Variants in RIMKLB observed in about 807,000 individuals in gnomAD.
RIMKLB encodes the protein ribosomal modification protein rimK like family member B, also known as beta-citrylglutamate synthase B.
Under a neutral mutation model 32.0 loss-of-function variants are expected in RIMKLB, and 7 were observed. That is an observed-to-expected ratio of 0.22 (90% CI 0.12 to 0.41). The LOEUF is 0.41. Ranked by LOEUF, RIMKLB falls within the 10% of genes least tolerant of loss-of-function variation. RIMKLB has a pLI of 1.00. For synonymous variants in RIMKLB, 172 were observed against 185.1 expected (o/e 0.93, Z 0.57); for missense variants, 289 against 498.7 (o/e 0.58, Z 4.00).
chr12:8,732,756 T>TATATACACAC (rs1213499853), intron 2 of RIMKLB, among the ~76,000 whole-genome samples: 8 of 150,048 alleles, frequency 5.3e-5, no homozygotes, highest in African/African-American at 2.0e-4. Flanking sequence ...TATATATATA[T>TATATACACAC]ACACACACAC....
At chr12:8,692,565 A>C (rs1942761960), upstream of RIMKLB, among the ~76,000 whole-genome samples, 1 of 152,224 alleles carries the variant, frequency 6.6e-6, no homozygotes. Context: ...GTAGGGGGAA[A>C]ACCTGTATCA....
intron 1 of RIMKLB, among the ~76,000 whole-genome samples, chr12:8,708,385 CT>C (rs1565558087): frequency 6.6e-6 from 1 of 152,098 alleles, no homozygotes; most frequent in South Asian, 2.1e-4. Context: ...TTCATTTTAA[CT>C]TTTTTTCTTT....
chr12:8,682,339 A>G (rs1942431494), intron 1 of RIMKLB, among the ~76,000 whole-genome samples: 3 of 152,174 alleles, frequency 2.0e-5, no homozygotes, highest in Admixed American at 1.3e-4. Flanking sequence ...TAGCAAGAAT[A>G]TTGAACTATG....
exon 1 of RIMKLB, chr12:8,681,718 TAGG>T (rs1395600326): frequency 1.3e-5 from 2 of 152,330 alleles, no homozygotes; most frequent in African/African-American, 4.8e-5. Context: ...TTCCACCTGC[TAGG>T]AGGGTGGTGT....
intron 2 of RIMKLB, among the ~76,000 whole-genome samples, chr12:8,740,813 C>G (rs1487264456): frequency 6.6e-6 from 1 of 152,160 alleles, no homozygotes; most frequent in Non-Finnish European, 1.5e-5. Flanking sequence ...TAGCTCATGC[C>G]CATAATCCCA....
chr12:8,714,202 AAT>A (rs1029416073), intron 2 of RIMKLB, 161 bp downstream of exon 2: 15 of 572,154 alleles, frequency 2.6e-5, no homozygotes, highest in Admixed American at 2.3e-4. Context: ...TATAAACACT[AAT>A]ATTTATTAAC....
chr12:8,730,622 C>T (rs1311364751), intron 2 of RIMKLB, among the ~76,000 whole-genome samples: 2 of 152,146 alleles, frequency 1.3e-5, no homozygotes, highest in African/African-American at 4.8e-5. Context: ...TCCAATTTTA[C>T]GTAGGGAATT....
chr12:8,741,838 G>A (rs2137519830), intron 2 of RIMKLB, among the ~76,000 whole-genome samples: 1 of 151,820 alleles, frequency 6.6e-6, no homozygotes, highest in South Asian at 2.1e-4. Context: ...CCAGACCTCA[G>A]CATCATGCAA....
chr12:8,740,973 C>G (rs775676872), intron 2 of RIMKLB, among the ~76,000 whole-genome samples: 2 of 152,062 alleles, frequency 1.3e-5, no homozygotes, highest in Admixed American at 1.3e-4. Context: ...TTTTGGGAGA[C>G]TGAGGCGGGC....
At chr12:8,718,661 ATATATATATG>A in intron 2 of RIMKLB, among the ~76,000 whole-genome samples, 1 of 118,502 alleles carries the variant, frequency 8.4e-6, no homozygotes, top group African/African-American at 3.0e-5. Flanking sequence ...CTCTATATAT[ATATATATATG>A]TGTGTGTGTG....
At chr12:8,769,845 C>CT (rs1373782910) in intron 5 of RIMKLB, among the ~76,000 whole-genome samples, 1 of 152,142 alleles carries the variant, frequency 6.6e-6, no homozygotes, top group Non-Finnish European at 1.5e-5. Context: ...TCCTTGTTCC[C>CT]TCTCCCCTCC....
chr12:8,681,647 T>C (rs2136518958), exon 1 of RIMKLB: 1 of 152,288 alleles, frequency 6.6e-6, no homozygotes, highest in East Asian at 1.9e-4. Context: ...AATAAAGCTC[T>C]ATAAAAACTC....
intron 3 of RIMKLB, 126 bp from the exon 4 acceptor site, chr12:8,751,831 A>C (rs1948642689): frequency 1.6e-6 from 1 of 640,058 alleles, no homozygotes; most frequent in Admixed American, 2.6e-5. Context: ...CTCCAAGAAA[A>C]AAAGTTAGCC....
chr12:8,761,821 T>C (rs1461007310), intron 5 of RIMKLB, among the ~76,000 whole-genome samples: 2 of 152,040 alleles, frequency 1.3e-5, no homozygotes, highest in Admixed American at 6.6e-5. Flanking sequence ...TCCTGCTGAA[T>C]TGGGGTATAG....
In RIMKLB at chr12:8,775,570, A is replaced by G; in HGVS notation, c.*1786A>G. ...GGACCTTAAACATAATTTCTTGGAC[A>G]CTACTAGAGAGACTTCGAGGCAATA... is the stretch of plus-strand genomic sequence containing the variant. On this transcript the variant is annotated 3_prime_UTR_variant, in exon 6 of 6. Transcript: ENST00000535829. 1.0e-6 allele frequency: 1 copy of G among 985,740 alleles called. No homozygotes were observed. Among genetic ancestry groups the G allele is most frequent in the Non-Finnish European group, 1.2e-6 (1 of 829,856 alleles). 61.1% of individuals were successfully genotyped at this position (985,740 alleles called of 1,614,324 possible). A position where few individuals can be genotyped will look rare whatever the true frequency, so the allele number is the denominator to read the frequency against.
chr12:8,671,238 G>T, the RIMKLB span, among the ~76,000 whole-genome samples: 1 of 151,916 alleles, frequency 6.6e-6, no homozygotes. Flanking sequence ...CCAGAAAACA[G>T]TTTTTTCTTT....
At chr12:8,715,541 T>G (rs1944757777) in intron 2 of RIMKLB, among the ~76,000 whole-genome samples, 1 of 152,174 alleles carries the variant, frequency 6.6e-6, no homozygotes, top group Non-Finnish European at 1.5e-5. Context: ...TTCTCTTGAA[T>G]GTAGTTACTG....
chr12:8,762,990 T>C (rs1200121202), intron 5 of RIMKLB, among the ~76,000 whole-genome samples: 2 of 152,210 alleles, frequency 1.3e-5, no homozygotes, highest in African/African-American at 4.8e-5. Context: ...AAGTGCACAG[T>C]TGCAGCACTG....
rs1455351989 is a variant in RIMKLB, at chr12:8,714,003, T to C, written c.137T>C (p.Met46Thr). ...EEELDFRAVV[M>T]DEVVLTIEQG... ...GAACTGGACTTTAGGGCTGTGGTGA[T>C]GGATGAGGTGGTGCTGACAATCGAG... The change falls in exon 2 of 6, where the codon ATG (methionine) becomes ACG (threonine). Residue 46 changes from methionine to threonine, a missense_variant. Physicochemically the swap from Met to Thr is moderately conservative, Grantham distance 81 (BLOSUM62 -1). Coordinates refer to ENST00000535829, the MANE Select transcript of RIMKLB (RefSeq NM_001297776.2). 3.1e-6 allele frequency: 5 copies of C among 1,613,972 alleles called. No individual in the cohort carries two copies. The highest frequency in any genetic ancestry group is 4.2e-6 in the Non-Finnish European group (5 of 1,180,014).
Sources: allele counts gnomAD v4.1 joint callset (sites outside exome capture counted in the v4.1 genomes callset), GRCh38; gene constraint gnomAD v4.1.1; transcripts MANE v1.5; gene names NCBI Gene and HGNC (gene_info 2026-07-23, HGNC 2026-07-21).